The following PDLIM5 variants were observed in gnomAD, a reference collection of about 807,000 sequenced individuals.
PDLIM5 encodes PDZ and LIM domain protein 5.
A neutral mutation model predicts 64.2 loss-of-function variants in PDLIM5; 34 were observed. That is an observed-to-expected ratio of 0.53 (90% CI 0.40 to 0.71). The LOEUF (loss-of-function observed/expected upper bound fraction) is 0.71, where lower values mean the gene tolerates loss of function less well. Ranked by LOEUF, PDLIM5 falls within the 30% of genes least tolerant of loss-of-function variation. The pLI, the probability that PDLIM5 is intolerant of heterozygous loss-of-function variation, is 0.00. For missense variants in PDLIM5, 683 were observed against 733.6 expected, an observed-to-expected ratio of 0.93 and a Z score of 0.80; for synonymous variants, 253 against 269.1, an observed-to-expected ratio of 0.94 and a Z score of 0.59.
At chr4:94,569,149 T>A (rs1208128808) in intron 3 of PDLIM5, among the ~76,000 whole-genome samples, 1 of 152,054 alleles carries the variant, frequency 6.6e-6, no homozygotes, top group Non-Finnish European at 1.5e-5. Flanking sequence ...CAGTGAGGAG[T>A]TAGAAGAGAG....
chr4:94,561,919 GTTC>G (rs1733888712), intron 3 of PDLIM5, among the ~76,000 whole-genome samples: 1 of 152,132 alleles, frequency 6.6e-6, no homozygotes, highest in African/African-American at 2.4e-5. Flanking sequence ...CAGCATTTCT[GTTC>G]TTCTTAGTAA....
At chr4:94,516,308 G>A (rs1729353362) in intron 2 of PDLIM5, among the ~76,000 whole-genome samples, 1 of 152,182 alleles carries the variant, frequency 6.6e-6, no homozygotes, top group South Asian at 2.1e-4. Flanking sequence ...ACCATATAAG[G>A]TGTATTCTCT....
chr4:94,610,759 G>A (rs1021208905), intron 7 of PDLIM5, among the ~76,000 whole-genome samples: 5 of 152,096 alleles, frequency 3.3e-5, no homozygotes, highest in African/African-American at 1.2e-4. Context: ...TTTTGTTTTC[G>A]TGGTTTGGGG....
At chr4:94,593,960 C>T (rs140152990) in intron 7 of PDLIM5, among the ~76,000 whole-genome samples, 45 of 152,204 alleles carry the variant, frequency 3.0e-4, no homozygotes, top group African/African-American at 1.1e-3. Context: ...GTATGCCCCA[C>T]CATGTTTGGT....
intron 7 of PDLIM5, among the ~76,000 whole-genome samples, chr4:94,599,695 TG>T (rs1560731724): frequency 6.6e-6 from 1 of 151,998 alleles, no homozygotes; most frequent in Non-Finnish European, 1.5e-5. Context: ...ATTGTTGGAA[TG>T]GGGTGAAGAG....
At chr4:94,584,844 A>C (rs1001522378) in intron 5 of PDLIM5, 3 of 622,034 alleles carry the variant, frequency 4.8e-6, no homozygotes, top group Non-Finnish European at 8.6e-6. Context: ...ACAGTGAACA[A>C]TACAAATAAT....
intron 3 of PDLIM5, among the ~76,000 whole-genome samples, chr4:94,572,614 T>C (rs75892260): frequency 0.039 from 5,987 of 152,280 alleles, 400 homozygotes; most frequent in African/African-American, 0.14. Context: ...AATTTGAATT[T>C]GGAAATAGTC....
At chr4:94,599,747 A>C (rs1737346144) in intron 7 of PDLIM5, among the ~76,000 whole-genome samples, 1 of 152,162 alleles carries the variant, frequency 6.6e-6, no homozygotes, top group African/African-American at 2.4e-5. Context: ...AGGTAGAGAC[A>C]AACAGTGGGA....
intron 8 of PDLIM5, among the ~76,000 whole-genome samples, chr4:94,624,062 A>C (rs1349463581): frequency 6.6e-6 from 1 of 151,966 alleles, no homozygotes. Context: ...TGTAATCCCA[A>C]TAGTGTGGGA....
At chr4:94,552,417 T>C (rs1332659780) in intron 3 of PDLIM5, among the ~76,000 whole-genome samples, 1 of 152,140 alleles carries the variant, frequency 6.6e-6, no homozygotes, top group Admixed American at 6.6e-5. Flanking sequence ...AAAAGCTGTT[T>C]TCAAAGCTTG....
intron 2 of PDLIM5, among the ~76,000 whole-genome samples, chr4:94,484,944 A>C (rs1449838559): frequency 2.0e-5 from 3 of 152,156 alleles, no homozygotes; most frequent in African/African-American, 7.2e-5. Context: ...TGTTGGAGTA[A>C]TTGGACAATA....
At chr4:94,577,617 T>G (rs1470012194) in intron 5 of PDLIM5, among the ~76,000 whole-genome samples, 2 of 147,774 alleles carry the variant, frequency 1.4e-5, no homozygotes, top group Non-Finnish European at 3.0e-5. Context: ...ATGTTTATTT[T>G]AAGACAATAG....
chr4:94,538,733 C>A (rs779821528), intron 3 of PDLIM5, among the ~76,000 whole-genome samples: 3 of 152,136 alleles, frequency 2.0e-5, no homozygotes, highest in African/African-American at 7.2e-5. Context: ...CTTATACTTT[C>A]TTTAAGTTGT....
chr4:94,532,902 G>A (rs572529783), intron 3 of PDLIM5, among the ~76,000 whole-genome samples: 10 of 152,128 alleles, frequency 6.6e-5, no homozygotes, highest in Non-Finnish European at 1.2e-4. Flanking sequence ...ATTGGGGAGG[G>A]TGAGACAGGA....
intron 3 of PDLIM5, among the ~76,000 whole-genome samples, chr4:94,568,042 T>C (rs768105339): frequency 2.3e-4 from 35 of 152,228 alleles, no homozygotes; most frequent in Admixed American, 6.5e-5. Context: ...TCTGAACATA[T>C]TATAATTAGG....
At chr4:94,660,531 T>C (rs1043991624) in intron 11 of PDLIM5, among the ~76,000 whole-genome samples, 1 of 152,210 alleles carries the variant, frequency 6.6e-6, no homozygotes, top group Non-Finnish European at 1.5e-5. Context: ...ATCTGAAATT[T>C]ATTTATTATC....
chr4:94,644,211 A>G (rs560973087), intron 9 of PDLIM5, among the ~76,000 whole-genome samples: 13 of 152,234 alleles, frequency 8.5e-5, no homozygotes, highest in Non-Finnish European at 8.8e-5. Context: ...GACAGTTGCT[A>G]TGATTATTCC....
At chr4:94,501,127 CA>C (rs1662942242) in intron 2 of PDLIM5, among the ~76,000 whole-genome samples, 1 of 149,080 alleles carries the variant, frequency 6.7e-6, no homozygotes, top group Non-Finnish European at 1.5e-5. Context: ...GGCTGGAGTA[CA>C]GTGGCAGGAA....
At chr4:94,613,385 G>A (rs1026226570) in intron 7 of PDLIM5, among the ~76,000 whole-genome samples, 4 of 152,134 alleles carry the variant, frequency 2.6e-5, no homozygotes. Flanking sequence ...TTCTTAATCT[G>A]TATCTGAGCT....
Sources: allele counts gnomAD v4.1 joint callset (sites outside exome capture counted in the v4.1 genomes callset), GRCh38; gene constraint gnomAD v4.1.1; transcripts MANE v1.5; gene names NCBI Gene and HGNC (gene_info 2026-07-23, HGNC 2026-07-21).